ATG5: variants seen among roughly 807,000 people sequenced by gnomAD.
ATG5 encodes the protein autophagy related 5, also known as autophagy protein 5.
ATG5 carries 14 observed loss-of-function variants against 36.5 expected under a neutral mutation model. The observed-to-expected ratio is 0.38, with a 90% CI of 0.25 to 0.60. ATG5 has a LOEUF of 0.60. Among genes scored for constraint, ATG5 ranks in the 20% least tolerant of loss-of-function variants. The pLI, the probability that ATG5 is intolerant of heterozygous loss-of-function variation, is 0.60. For missense variants in ATG5, 195 were observed against 326.7 expected (o/e 0.60, Z 3.11); for synonymous variants, 95 against 101.5 (o/e 0.94, Z 0.38).
intron 5 of ATG5, among the ~76,000 whole-genome samples, chr6:106,269,826 C>G (rs1324720796): frequency 6.6e-6 from 1 of 152,254 alleles, no homozygotes; most frequent in East Asian, 1.9e-4. Flanking sequence ...CCGGCTCCAG[C>G]CTTGGCCAGC....
intron 6 of ATG5, among the ~76,000 whole-genome samples, chr6:106,203,659 T>A (rs189215894): frequency 2.5e-3 from 375 of 152,296 alleles, no homozygotes; most frequent in African/African-American, 8.5e-3. Context: ...CCAGGTTGAA[T>A]TGCAGTGGTG....
At chr6:106,275,976 A>G (rs978951266) in intron 5 of ATG5, among the ~76,000 whole-genome samples, 1 of 152,248 alleles carries the variant, frequency 6.6e-6, no homozygotes, top group Non-Finnish European at 1.5e-5. Context: ...ATCTTTATTT[A>G]CAAAAGCAGA....
intron 6 of ATG5, among the ~76,000 whole-genome samples, chr6:106,224,289 T>C (rs1446284408): frequency 1.3e-5 from 2 of 152,154 alleles, no homozygotes; most frequent in African/African-American, 2.4e-5. Context: ...AAAAAGCAGG[T>C]AGAAAAATCT....
At chr6:106,198,168 TTA>T (rs1364472206) in intron 7 of ATG5, among the ~76,000 whole-genome samples, 1 of 152,110 alleles carries the variant, frequency 6.6e-6, no homozygotes. Context: ...TTCTCAGAAG[TTA>T]TGAGTTACTA....
intron 3 of ATG5, among the ~76,000 whole-genome samples, chr6:106,305,091 C>CAAA (rs71756848): frequency 8.4e-6 from 1 of 118,496 alleles, no homozygotes; most frequent in Non-Finnish European, 1.9e-5. Flanking sequence ...AACTCCGTCT[C>CAAA]AAAAAAAAAA....
chr6:106,287,095 C>G (rs1463664652), intron 4 of ATG5, among the ~76,000 whole-genome samples: 1 of 152,184 alleles, frequency 6.6e-6, no homozygotes, highest in Non-Finnish European at 1.5e-5. Flanking sequence ...TATAAAACAG[C>G]TACCAACATT....
intron 4 of ATG5, among the ~76,000 whole-genome samples, chr6:106,290,245 TTTTATTTTATTTTA>T (rs1035747031): frequency 5.7e-5 from 8 of 140,152 alleles, no homozygotes; most frequent in East Asian, 2.0e-4. Flanking sequence ...TATTTATCTA[TTTTATTTTATTTTA>T]TTTATTTTAT....
chr6:106,237,294 A>G (rs1777940199), intron 6 of ATG5, among the ~76,000 whole-genome samples: 1 of 152,210 alleles, frequency 6.6e-6, no homozygotes, highest in Admixed American at 6.5e-5. Flanking sequence ...AAATCACACA[A>G]TGCTCCAATG....
At chr6:106,262,142 G>A (rs896801998) in intron 5 of ATG5, among the ~76,000 whole-genome samples, 1 of 152,276 alleles carries the variant, frequency 6.6e-6, no homozygotes. Flanking sequence ...GCACCATCTC[G>A]ACTCACTTCA....
chr6:106,295,024 T>G (rs1240151661), intron 3 of ATG5, among the ~76,000 whole-genome samples: 3 of 150,098 alleles, frequency 2.0e-5, no homozygotes, highest in Non-Finnish European at 4.5e-5. Context: ...GGAAAAACTC[T>G]CGCCTCAGTC....
intron 5 of ATG5, among the ~76,000 whole-genome samples, chr6:106,256,203 G>C (rs764898118): frequency 5.9e-5 from 9 of 152,066 alleles, no homozygotes; most frequent in Non-Finnish European, 8.8e-5. Context: ...TATGCTTCTG[G>C]AGAGAAAGTG....
intron 7 of ATG5, among the ~76,000 whole-genome samples, chr6:106,187,902 C>G (rs1267794995): frequency 6.6e-6 from 1 of 152,134 alleles, no homozygotes; most frequent in African/African-American, 2.4e-5. Context: ...AAAATAAAAA[C>G]TTTAACATAC....
At chr6:106,223,739 T>C (rs1777339503) in intron 6 of ATG5, among the ~76,000 whole-genome samples, 1 of 152,236 alleles carries the variant, frequency 6.6e-6, no homozygotes, top group Non-Finnish European at 1.5e-5. Flanking sequence ...AGAAACTACA[T>C]ACATGGTGAA....
At chr6:106,279,936 A>C (rs981332805) in intron 4 of ATG5, 113 bp from the exon 5 acceptor site, 51 of 697,518 alleles carry the variant, frequency 7.3e-5, no homozygotes, top group Admixed American at 1.4e-4. Context: ...ACTATCTCTT[A>C]GCACTGAAAT....
chr6:106,324,488 T>C (rs1219303041), intron 1 of ATG5, among the ~76,000 whole-genome samples: 1 of 152,214 alleles, frequency 6.6e-6, no homozygotes, highest in Non-Finnish European at 1.5e-5. Flanking sequence ...CAATGTCTTC[T>C]CACCCCATCC....
chr6:106,189,841 C>G (rs1208612314), intron 7 of ATG5, among the ~76,000 whole-genome samples: 1 of 151,986 alleles, frequency 6.6e-6, no homozygotes, highest in Non-Finnish European at 1.5e-5. Flanking sequence ...ATGCCTCTCC[C>G]ACTCAGGTTT....
intron 7 of ATG5, among the ~76,000 whole-genome samples, chr6:106,200,365 G>C (rs1340131326): frequency 6.6e-6 from 1 of 151,896 alleles, no homozygotes; most frequent in Non-Finnish European, 1.5e-5. Flanking sequence ...TAAGAAACAA[G>C]CATTATCTGT....
intron 2 of ATG5, among the ~76,000 whole-genome samples, chr6:106,314,096 A>G (rs1770753187): frequency 6.6e-6 from 1 of 152,240 alleles, no homozygotes; most frequent in East Asian, 1.9e-4. Context: ...CAGTTACTGT[A>G]AACACTCTTG....
chr6:106,252,253 G>A (rs978534562), intron 5 of ATG5, among the ~76,000 whole-genome samples: 3 of 151,886 alleles, frequency 2.0e-5, no homozygotes, highest in Non-Finnish European at 4.4e-5. Flanking sequence ...CAATATTACT[G>A]ATGTTAGTTT....
Sources: gnomAD v4.1 joint callset for allele counts (sites outside exome capture counted in the v4.1 genomes callset) on GRCh38, gnomAD v4.1.1 for gene constraint, MANE v1.5 for transcripts, NCBI Gene and HGNC (gene_info 2026-07-23, HGNC 2026-07-21) for gene names.